Variants in RAB8A observed in about 807,000 individuals in gnomAD.
The protein encoded by RAB8A is RAB8A, member RAS oncogene family.
A neutral mutation model predicts 29.2 loss-of-function variants in RAB8A; 5 were observed. The observed-to-expected ratio is 0.17, with a 90% CI of 0.09 to 0.36. The LOEUF is 0.36. Ranked by LOEUF, RAB8A falls within the 10% of genes least tolerant of loss-of-function variation. The pLI is 1.00. For missense variants in RAB8A, 171 were observed against 272.2 expected, an observed-to-expected ratio of 0.63 and a Z score of 2.62; for synonymous variants, 108 against 99.9, an observed-to-expected ratio of 1.08 and a Z score of -0.49.
rs112201102 is a variant in RAB8A at position 16,128,135 on chromosome 19, G to A, written c.480+44G>A. 2,475 of 1,594,078 alleles carry A rather than the reference G, an allele frequency of 1.6e-3. 19 individuals are homozygous for A. In the African/African-American group the frequency reaches 0.023, roughly 15 times the overall value. ...TGGGAGACATGGGGCCTGCAGGATCGGCCCCTTCAGGCTAAAGGGGGAGCT... is the reference window on the plus strand; with the variant it reads ...TGGGAGACATGGGGCCTGCAGGATCAGCCCCTTCAGGCTAAAGGGGGAGCT... On this transcript the variant is annotated intron_variant, in intron 6 of 7. Transcript: ENST00000300935.
In RAB8A at chr19:16,127,945, C is replaced by G. The variant is rs776904358; in HGVS notation, c.415-81C>G. ...TTGCTGCTCCCTCTTGGCGCCGGCC[C>G]TGCCTTCAGCTCCTGTTTTAGGCAA... On this transcript the variant is annotated intron_variant, in intron 5 of 7. Transcript: ENST00000300935. The surrounding 1 kb of genome is among the most constrained non-coding windows in gnomAD (Gnocchi z 4.8). 36 of 1,467,542 alleles carry G rather than the reference C, an allele frequency of 2.5e-5. No individual in the cohort carries two copies. Among genetic ancestry groups the G allele is most frequent in the Non-Finnish European group, 3.3e-5 (35 of 1,047,828 alleles). The allele number at this position is 1,467,542 out of a possible 1,614,324, so 90.9% of individuals were successfully genotyped here.
chr19:16,113,459 C>T lies in RAB8A; in HGVS notation c.124+1434C>T, dbSNP rs911567397. Among the ~76,000 whole-genome samples, 6 of 152,170 alleles carry T rather than the reference C, an allele frequency of 3.9e-5. No homozygotes were observed. The South Asian group carries it at 6.2e-4, about 16-fold the overall frequency. Reference sequence around the variant, plus strand: ...CTCTTTTGCCCAGGCTGGAATCCAGCGGCAGGATCTCGGGTCACTACAACC... The same window carrying T: ...CTCTTTTGCCCAGGCTGGAATCCAGTGGCAGGATCTCGGGTCACTACAACC... On this transcript the variant is annotated intron_variant, in intron 1 of 7. Coordinates refer to ENST00000300935, the MANE Select transcript of RAB8A (RefSeq NM_005370.5).
chr19:16,129,470 T>C, intron 6 of RAB8A, 84 bp from the exon 7 acceptor site: 1 of 1,376,536 alleles, frequency 7.3e-7, no homozygotes, highest in Non-Finnish European at 1.0e-6. Flanking sequence ...CCTGGGAAGC[T>C]GTCTCACCAC....
Position 16,127,010 on chromosome 19 carries a change from A to C in RAB8A, c.325-427A>C, listed in dbSNP as rs2090905114. ...CATCTCAAAAAAAAACAAAAAAAAAAGTGTCAAAGCAGAAGGTCCCAGGAC... is the reference window on the plus strand; with the variant it reads ...CATCTCAAAAAAAAACAAAAAAAAACGTGTCAAAGCAGAAGGTCCCAGGAC... On this transcript the variant is annotated intron_variant, in intron 4 of 7. Coordinates refer to ENST00000300935, the MANE Select transcript of RAB8A (RefSeq NM_005370.5). The surrounding 1 kb of genome is among the most constrained non-coding windows in gnomAD (Gnocchi z 4.8). The C allele has an allele frequency of 6.5e-6, 1 of 153,826 alleles. No individual in the cohort carries two copies. Among genetic ancestry groups the C allele is most frequent in the Admixed American group, 6.5e-5 (1 of 15,292 alleles). 9.5% of individuals were successfully genotyped at this position (153,826 alleles called of 1,614,324 possible). A position where few individuals can be genotyped will look rare whatever the true frequency, so the allele number is the denominator to read the frequency against.
chr19:16,130,476 G>C (rs562085173), intron 7 of RAB8A, among the ~76,000 whole-genome samples: 6 of 152,276 alleles, frequency 3.9e-5, no homozygotes, highest in African/African-American at 1.4e-4. Flanking sequence ...GCGGTGTGTT[G>C]AACAGTGAGG....
chr19:16,118,093 C>T, intron 1 of RAB8A, 133 bp from the exon 2 acceptor site: 2 of 691,928 alleles, frequency 2.9e-6, no homozygotes, highest in East Asian at 2.7e-5. Context: ...TTCCGACATC[C>T]TGCATGCCCA....
intron 1 of RAB8A, chr19:16,112,342 G>T: frequency 3.2e-6 from 1 of 308,996 alleles, no homozygotes; most frequent in Non-Finnish European, 6.1e-6. Flanking sequence ...CCCTCGAAGC[G>T]GTTCTTTTGA....
chr19:16,130,302 A>G (rs553542640), intron 7 of RAB8A, among the ~76,000 whole-genome samples: 15 of 152,214 alleles, frequency 9.9e-5, no homozygotes, highest in African/African-American at 3.4e-4. Flanking sequence ...CCCTGGTTCC[A>G]GCAACTGCCC....
Position 16,125,936 on chromosome 19 carries a change from C to A in RAB8A, c.324+389C>A, listed in dbSNP as rs886142524. On this transcript the variant is annotated intron_variant, in intron 4 of 7. Coordinates refer to ENST00000300935, the MANE Select transcript of RAB8A (RefSeq NM_005370.5). The surrounding 1 kb of genome is among the most constrained non-coding windows in gnomAD (Gnocchi z 5.0). ...GAGCAGGCGTCAGTTGTACTTTGAG[C>A]TATATCGGAGCAGGGTGTGACCTGG... The A allele has an allele frequency of 3.1e-5, 11 of 358,202 alleles. No homozygotes were observed. Among genetic ancestry groups the A allele is most frequent in the Non-Finnish European group, 6.0e-5 (11 of 182,056 alleles). The allele number at this position is 358,202 out of a possible 1,614,324, so 22.2% of individuals were successfully genotyped here. A position where few individuals can be genotyped will look rare whatever the true frequency, so the allele number is the denominator to read the frequency against.
Position 16,125,325 on chromosome 19 carries a change from T to C in RAB8A, c.247-145T>C, listed in dbSNP as rs542356477. On this transcript the variant is annotated intron_variant, in intron 3 of 7. Coordinates refer to ENST00000300935, the MANE Select transcript of RAB8A (RefSeq NM_005370.5). The surrounding 1 kb of genome is among the most constrained non-coding windows in gnomAD (Gnocchi z 5.0). ...AGAGGAGGGGGCTGGCTTCCGGGGC[T>C]CCACAGAGGTGGGGAGGGCGGCAGC... 5.0e-5 allele frequency: 34 copies of C among 681,786 alleles called. No homozygotes were observed. The South Asian group carries it at 5.2e-4, about 10-fold the overall frequency. 42.2% of individuals were successfully genotyped at this position (681,786 alleles called of 1,614,324 possible).
rs754138019 is a variant in RAB8A at position 16,112,043 on chromosome 19, TGGCTGGGGGCGCCGGAGGCCCG to T, written c.124+26_124+47del. Reference sequence around the variant, plus strand: ...CACCATAGGTAACGGGACCGGGGAATGGCTGGGGGCGCCGGAGGCCCGGGCTGGGCGCGCCCCTGAGGGGCTG... The same window carrying T: ...CACCATAGGTAACGGGACCGGGGAATGGCTGGGCGCGCCCCTGAGGGGCTG... On this transcript the variant is annotated intron_variant, in intron 1 of 7. Coordinates refer to ENST00000300935, the MANE Select transcript of RAB8A (RefSeq NM_005370.5). 1 of 1,612,164 alleles carries T rather than the reference TGGCTGGGGGCGCCGGAGGCCCG, an allele frequency of 6.2e-7. No individual in the cohort carries two copies. Among genetic ancestry groups the T allele is most frequent in the Admixed American group, 1.7e-5 (1 of 59,926 alleles).
intron 1 of RAB8A, among the ~76,000 whole-genome samples, chr19:16,114,277 TAATAAA>T (rs1372388234): frequency 2.0e-5 from 3 of 150,690 alleles, no homozygotes. Flanking sequence ...TAAAAAATAA[TAATAAA>T]AATAAAAGAA....
Position 16,125,392 on chromosome 19 carries a change from C to A in RAB8A, c.247-78C>A. 1 of 1,303,172 alleles carries A rather than the reference C, an allele frequency of 7.7e-7. No individual in the cohort carries two copies. The highest frequency in any genetic ancestry group is 1.8e-5 in the Admixed American group (1 of 54,814). 80.7% of individuals were successfully genotyped at this position (1,303,172 alleles called of 1,614,324 possible). On this transcript the variant is annotated intron_variant, in intron 3 of 7. Coordinates refer to ENST00000300935, the MANE Select transcript of RAB8A (RefSeq NM_005370.5). This position sits in a 1 kb window ranked among gnomAD's most constrained non-coding sequence, Gnocchi z 5.0. The stretch of plus-strand genomic sequence containing the variant: ...GCAGTGGGTGCTGGGCTCCCCACCA[C>A]TGTTCTCTGGTGCCGCTGAGGCCTC...
chr19:16,129,455 C>G (rs1442060680), intron 6 of RAB8A, 99 bp from the exon 7 acceptor site: 24 of 1,202,826 alleles, frequency 2.0e-5, no homozygotes, highest in Non-Finnish European at 2.7e-5. Context: ...AATGGGAGGC[C>G]CACGCCTGGG....
At chr19:16,120,871 A>G (rs1024420689) in intron 2 of RAB8A, among the ~76,000 whole-genome samples, 1 of 151,758 alleles carries the variant, frequency 6.6e-6, no homozygotes, top group African/African-American at 2.4e-5. Context: ...TCGGCCTCTT[A>G]AAGTGCTGGG....
At chr19:16,130,760 C>T (rs1002492643) in intron 7 of RAB8A, among the ~76,000 whole-genome samples, 4 of 151,332 alleles carry the variant, frequency 2.6e-5, no homozygotes, top group Admixed American at 6.6e-5. Flanking sequence ...AAGCAATCCT[C>T]CCACCTCCGC....
In RAB8A at chr19:16,128,049, G is replaced by A. The variant is rs372254577; in HGVS notation, c.438G>A (p.Lys146=). 1.2e-6 allele frequency: 2 copies of A among 1,614,176 alleles called. No individual in the cohort carries two copies. Among genetic ancestry groups the A allele is most frequent in the Admixed American group, 3.3e-5 (2 of 60,018 alleles). ...AGCTGGCCCTCGACTATGGAATCAA[G>A]TTCATGGAGACCAGCGCGAAGGCCA... The part of the protein sequence containing the change: ...GEKLALDYGI[K]FMETSAKANI... The change falls in exon 6 of 8, where the codon AAG becomes AAA. Residue 146 remains lysine, a synonymous_variant. Transcript: ENST00000300935.
Position 16,127,593 on chromosome 19 carries a change from C to T in RAB8A, c.414+67C>T, listed in dbSNP as rs760779983. The T allele has an allele frequency of 2.9e-5, 36 of 1,249,590 alleles. No individual in the cohort carries two copies. Among genetic ancestry groups the T allele is most frequent in the Non-Finnish European group, 3.5e-5 (32 of 919,240 alleles). The allele number at this position is 1,249,590 out of a possible 1,614,324, so 77.4% of individuals were successfully genotyped here. A position where few individuals can be genotyped will look rare whatever the true frequency, so the allele number is the denominator to read the frequency against. The stretch of plus-strand genomic sequence containing the variant: ...GGGGTTCTTGTGCAGAGGCCTTCCC[C>T]TGTCCCTCCTCTGCCCCAGGGGCCT... On this transcript the variant is annotated intron_variant, in intron 5 of 7. Coordinates refer to ENST00000300935, the MANE Select transcript of RAB8A (RefSeq NM_005370.5). This position sits in a 1 kb window ranked among gnomAD's most constrained non-coding sequence, Gnocchi z 4.8.
Position 16,127,762 on chromosome 19 carries a change from G to A in RAB8A, c.414+236G>A. On this transcript the variant is annotated intron_variant, in intron 5 of 7. Transcript: ENST00000300935. The surrounding 1 kb of genome is among the most constrained non-coding windows in gnomAD (Gnocchi z 4.8). ...CCAGACTTTCAAGACCACAGGAGCG[G>A]GGAACAGAGCCATAGTTTGATCCCA... 1 of 606,492 alleles carries A rather than the reference G, an allele frequency of 1.6e-6. No homozygotes were observed. The highest frequency in any genetic ancestry group is 2.9e-6 in the Non-Finnish European group (1 of 340,976). The allele number at this position is 606,492 out of a possible 1,614,324, so 37.6% of individuals were successfully genotyped here. A position where few individuals can be genotyped will look rare whatever the true frequency, so the allele number is the denominator to read the frequency against.
Sources: allele counts gnomAD v4.1 joint callset (sites outside exome capture counted in the v4.1 genomes callset), GRCh38; gene constraint gnomAD v4.1.1; non-coding constraint Gnocchi (gnomAD v3.1); transcripts MANE v1.5; gene names NCBI Gene and HGNC (gene_info 2026-07-23, HGNC 2026-07-21).